DCDC2C: variants seen among roughly 807,000 people sequenced by gnomAD.
The protein encoded by DCDC2C is doublecortin domain-containing protein 2C.
Under a neutral mutation model 45.0 loss-of-function variants are expected in DCDC2C, and 44 were observed. That is an observed-to-expected ratio of 0.98 (90% CI 0.77 to 1.26). The LOEUF is 1.26. Among genes scored for constraint, DCDC2C ranks in the 50% most tolerant of loss-of-function variants. The pLI is 0.00. For synonymous variants in DCDC2C, 187 were observed against 178.8 expected, an observed-to-expected ratio of 1.05 and a Z score of -0.37; for missense variants, 447 against 468.9, an observed-to-expected ratio of 0.95 and a Z score of 0.43.
rs1217895449 is a variant in DCDC2C, at chr2:3,752,832, T to C, written c.615T>C (p.Ala205=). The C allele has an allele frequency of 1.3e-6, 2 of 1,550,458 alleles. No individual in the cohort carries two copies. Among genetic ancestry groups the C allele is most frequent in the Non-Finnish European group, 1.7e-6 (2 of 1,146,966 alleles). The change falls in exon 5 of 11, where the codon GCT becomes GCC. Residue 205 remains alanine, a synonymous_variant. Coordinates refer to ENST00000399143, the MANE Select transcript of DCDC2C (RefSeq NM_001287444.2). ...TGCAAGACAATCACTTTTATGTTGCTGTGGGACTGGAGACCTTCAAATATT... is the reference window on the plus strand; with the variant it reads ...TGCAAGACAATCACTTTTATGTTGCCGTGGGACTGGAGACCTTCAAATATT... ...KDLQDNHFYV[A]VGLETFKYFP...
At chr2:3,845,421 A>G (rs181981264) in intron 10 of DCDC2C, among the ~76,000 whole-genome samples, 1 of 152,328 alleles carries the variant, frequency 6.6e-6, no homozygotes, top group East Asian at 1.9e-4. Flanking sequence ...TGATTCTAGG[A>G]TGGTCCAAGT....
intron 1 of DCDC2C, chr2:3,704,262 T>G (rs1374672294): frequency 1.3e-5 from 5 of 375,748 alleles, no homozygotes; most frequent in Middle Eastern, 6.8e-4. Context: ...TCCCTTCCTA[T>G]GGGGCAGGGC....
chr2:3,816,022 A>ATAAC (rs145376684), intron 10 of DCDC2C, among the ~76,000 whole-genome samples: 21,216 of 152,112 alleles, frequency 0.14, 1,974 homozygotes, highest in Non-Finnish European at 0.21. Flanking sequence ...GTATGGAGAG[A>ATAAC]TAACGGGTGA....
At chr2:3,776,722 GT>G (rs757808854) in intron 8 of DCDC2C, among the ~76,000 whole-genome samples, 87 of 152,326 alleles carry the variant, frequency 5.7e-4, no homozygotes, top group Admixed American at 1.4e-3. Flanking sequence ...CCCAGTGTCA[GT>G]GTGTGTGACC....
At chr2:3,729,336 C>T (rs1466678304) in intron 3 of DCDC2C, among the ~76,000 whole-genome samples, 1 of 152,200 alleles carries the variant, frequency 6.6e-6, no homozygotes, top group South Asian at 2.1e-4. Context: ...GGCCATTGGT[C>T]CTGGCCCTCA....
intron 1 of DCDC2C, among the ~76,000 whole-genome samples, chr2:3,708,312 T>A (rs1445440420): frequency 6.6e-6 from 1 of 152,222 alleles, no homozygotes. Context: ...GCAATGTCAC[T>A]TAAGAGACAC....
intron 10 of DCDC2C, among the ~76,000 whole-genome samples, chr2:3,811,519 C>G (rs1671395393): frequency 6.6e-6 from 1 of 152,170 alleles, no homozygotes; most frequent in African/African-American, 2.4e-5. Context: ...GTCATGTCAT[C>G]TGCAAACAGA....
At chr2:3,810,443 T>C (rs12478386) in intron 10 of DCDC2C, among the ~76,000 whole-genome samples, 16,630 of 152,296 alleles carry the variant, frequency 0.11, 1,095 homozygotes, top group East Asian at 0.29. Flanking sequence ...GTTGTTTTTT[T>C]CTTGTAAATT....
chr2:3,762,247 C>T (rs1008188540), intron 6 of DCDC2C, among the ~76,000 whole-genome samples: 3 of 146,148 alleles, frequency 2.1e-5, no homozygotes, highest in African/African-American at 7.5e-5. Context: ...CTTTGTCCTG[C>T]TCCTGTCCTT....
At chr2:3,748,169 T>C (rs72771229) in intron 4 of DCDC2C, among the ~76,000 whole-genome samples, 5,114 of 151,882 alleles carry the variant, frequency 0.034, 121 homozygotes, top group Middle Eastern at 0.078. Flanking sequence ...TGGGAATCCA[T>C]TGGCGGATTC....
chr2:3,771,860 C>T (rs755144922), intron 8 of DCDC2C, among the ~76,000 whole-genome samples: 24 of 152,234 alleles, frequency 1.6e-4, no homozygotes, highest in Admixed American at 2.6e-4. Flanking sequence ...CCCATGGACA[C>T]AGGGAAGGTG....
At chr2:3,771,744 C>A (rs1312261109) in intron 8 of DCDC2C, among the ~76,000 whole-genome samples, 1 of 152,184 alleles carries the variant, frequency 6.6e-6, no homozygotes, top group African/African-American at 2.4e-5. Context: ...GTGGGCCAAG[C>A]CTGGAGAACT....
chr2:3,782,728 G>A lies in DCDC2C; in HGVS notation c.1024-2331G>A, dbSNP rs569720979. ...TCTCCTGACCTCATGATCCACCCAC[G>A]TTGGCCTCCCAAAGTGCTGGGATTA... On this transcript the variant is annotated intron_variant, in intron 9 of 10. Coordinates refer to ENST00000399143, the MANE Select transcript of DCDC2C (RefSeq NM_001287444.2). Among the ~76,000 whole-genome samples, 58 of 152,002 alleles carry A rather than the reference G, an allele frequency of 3.8e-4. 1 individual carries two copies. The highest frequency in any genetic ancestry group is 4.7e-4 in the Non-Finnish European group (32 of 68,006).
rs1398259042 is a variant in DCDC2C at position 3,734,782 on chromosome 2, AC to A, written c.417-7137del. On this transcript the variant is annotated intron_variant, in intron 3 of 10. Transcript: ENST00000399143. This position sits in a 1 kb window ranked among gnomAD's most constrained non-coding sequence, Gnocchi z 4.2. Reference sequence around the variant, plus strand: ...TATGTTTTGGGGAGAAGACTCCAAGACATGATCCTCTCCTTCATGCACAAGG... The same window carrying A: ...TATGTTTTGGGGAGAAGACTCCAAGAATGATCCTCTCCTTCATGCACAAGG... Among the ~76,000 whole-genome samples the A allele has an allele frequency of 8.5e-5, 13 of 152,294 alleles. No homozygotes were observed. Among genetic ancestry groups the A allele is most frequent in the African/African-American group, 2.9e-4 (12 of 41,548 alleles).
intron 3 of DCDC2C, among the ~76,000 whole-genome samples, chr2:3,739,289 G>A (rs958860978): frequency 6.6e-6 from 1 of 152,196 alleles, no homozygotes; most frequent in Non-Finnish European, 1.5e-5. Context: ...AACTGCTGGG[G>A]ACAGGAGGGC....
intron 10 of DCDC2C, among the ~76,000 whole-genome samples, chr2:3,813,390 T>C (rs909738522): frequency 8.5e-5 from 13 of 152,100 alleles, no homozygotes; most frequent in African/African-American, 3.1e-4. Context: ...TCTGTTGATT[T>C]GGGGTAGAGT....
rs192901207 is a variant in DCDC2C, at chr2:3,761,078, G to C, written c.726+6444G>C. Among the ~76,000 whole-genome samples, 2 of 152,334 alleles carry C rather than the reference G, an allele frequency of 1.3e-5. No individual in the cohort carries two copies. Among genetic ancestry groups the C allele is most frequent in the Admixed American group, 6.5e-5 (1 of 15,304 alleles). On this transcript the variant is annotated intron_variant, in intron 6 of 10. Coordinates refer to ENST00000399143, the MANE Select transcript of DCDC2C (RefSeq NM_001287444.2). This position sits in a 1 kb window ranked among gnomAD's most constrained non-coding sequence, Gnocchi z 4.3. ...AGTCCAATGAAAGTAATTGAATGAA[G>C]CTACTCTCATTATATAGCATTCAGT...
intron 6 of DCDC2C, among the ~76,000 whole-genome samples, chr2:3,766,601 A>C (rs1258495855): frequency 6.6e-6 from 1 of 152,184 alleles, no homozygotes; most frequent in Non-Finnish European, 1.5e-5. Context: ...GGCTATTTTC[A>C]TACCTTAATT....
At chr2:3,729,129 G>A (rs770827846) in intron 3 of DCDC2C, among the ~76,000 whole-genome samples, 9 of 152,230 alleles carry the variant, frequency 5.9e-5, no homozygotes, top group East Asian at 1.9e-4. Context: ...GAGAAAAAGC[G>A]TTTAAAAGAT....
Sources: gnomAD v4.1 joint callset for allele counts (sites outside exome capture counted in the v4.1 genomes callset) on GRCh38, gnomAD v4.1.1 for gene constraint, Gnocchi (gnomAD v3.1) non-coding constraint, MANE v1.5 for transcripts, NCBI Gene and HGNC (gene_info 2026-07-23, HGNC 2026-07-21) for gene names.